The following SRPK2 variants were observed in gnomAD, a reference collection of about 807,000 sequenced individuals.
SRPK2 encodes the protein SFRS protein kinase 2.
A neutral mutation model predicts 90.8 loss-of-function variants in SRPK2; 21 were observed. The ratio of observed to expected loss-of-function variants is 0.23; its 90% CI spans 0.16 to 0.33. The LOEUF is 0.33. Ranked by LOEUF, SRPK2 falls within the 10% of genes least tolerant of loss-of-function variation. The pLI is 1.00. For synonymous variants in SRPK2, 288 were observed against 311.1 expected, an observed-to-expected ratio of 0.93 and a Z score of 0.78; for missense variants, 620 against 869.0, an observed-to-expected ratio of 0.71 and a Z score of 3.60.
At chr7:105,322,177 G>T (rs1454630966) in intron 2 of SRPK2, among the ~76,000 whole-genome samples, 1 of 152,216 alleles carries the variant, frequency 6.6e-6, no homozygotes, top group Non-Finnish European at 1.5e-5. Context: ...GACTCTGGGA[G>T]GCCGAGGCGG....
chr7:105,277,610 C>T (rs911951038), intron 2 of SRPK2, among the ~76,000 whole-genome samples: 2 of 152,198 alleles, frequency 1.3e-5, no homozygotes, highest in South Asian at 2.1e-4. Context: ...CCAGTCTAGC[C>T]TTAAAAGGGA....
At chr7:105,176,263 C>T (rs2129593685) in intron 3 of SRPK2, among the ~76,000 whole-genome samples, 1 of 152,092 alleles carries the variant, frequency 6.6e-6, no homozygotes, top group African/African-American at 2.4e-5. Flanking sequence ...AATCATCTGA[C>T]AATATGAAAC....
chr7:105,378,196 C>T (rs1036778413), intron 2 of SRPK2, among the ~76,000 whole-genome samples: 1 of 152,040 alleles, frequency 6.6e-6, no homozygotes, highest in African/African-American at 2.4e-5. Context: ...GCCCTGCCCC[C>T]TTATTTTACT....
In SRPK2 at chr7:105,221,514, A is replaced by T. The variant is rs186686267; in HGVS notation, c.72-17729T>A. On this transcript the variant is annotated intron_variant, in intron 2 of 15. Transcript: ENST00000393651. The stretch of plus-strand genomic sequence containing the variant: ...ACATTTTTTCTGGGATTTCAAACCA[A>T]TATCACACCAACGCCAAATGCTACT... 2.6e-5 allele frequency among the ~76,000 whole-genome samples: 4 copies of T among 152,286 alleles called. No individual in the cohort carries two copies. The East Asian group carries it at 5.8e-4, about 22-fold the overall frequency.
chr7:105,333,120 G>A (rs1001714526), intron 2 of SRPK2, among the ~76,000 whole-genome samples: 12 of 152,108 alleles, frequency 7.9e-5, no homozygotes, highest in African/African-American at 2.7e-4. Context: ...CTTGAACCCG[G>A]GTGGCGGAGG....
At chr7:105,137,928 C>A (rs1352475871) in intron 11 of SRPK2, among the ~76,000 whole-genome samples, 1 of 152,160 alleles carries the variant, frequency 6.6e-6, no homozygotes, top group East Asian at 1.9e-4. Flanking sequence ...AAACAAAACA[C>A]ACCTCCCATG....
chr7:105,212,268 A>C (rs1342641284), intron 2 of SRPK2, among the ~76,000 whole-genome samples: 1 of 152,254 alleles, frequency 6.6e-6, no homozygotes, highest in Non-Finnish European at 1.5e-5. Flanking sequence ...CACTGATTCT[A>C]CAACTACCCA....
At chr7:105,378,151 C>G (rs932578848) in intron 2 of SRPK2, among the ~76,000 whole-genome samples, 1 of 152,124 alleles carries the variant, frequency 6.6e-6, no homozygotes, top group Non-Finnish European at 1.5e-5. Flanking sequence ...CATGTTGACA[C>G]CAACTGCAGT....
intron 11 of SRPK2, 101 bp from the exon 12 acceptor site, chr7:105,133,205 T>A: frequency 9.5e-7 from 1 of 1,053,028 alleles, no homozygotes; most frequent in Non-Finnish European, 1.5e-6. Context: ...TCAAGAGTAG[T>A]GGAATGATCA....
At chr7:105,264,036 G>A (rs1360064346) in intron 2 of SRPK2, among the ~76,000 whole-genome samples, 2 of 152,108 alleles carry the variant, frequency 1.3e-5, no homozygotes, top group Admixed American at 6.5e-5. Context: ...GCATTGCAAC[G>A]GGGGGAGAAA....
At chr7:105,301,466 G>A in intron 2 of SRPK2, 1 of 961,188 alleles carries the variant, frequency 1.0e-6, no homozygotes, top group South Asian at 1.3e-5. Flanking sequence ...CCCTCGCTTT[G>A]TCTTCGTTGT....
chr7:105,346,230 G>A (rs10249170), intron 2 of SRPK2, among the ~76,000 whole-genome samples: 28,333 of 152,096 alleles, frequency 0.19, 3,430 homozygotes, highest in East Asian at 0.64. Flanking sequence ...TTCATCATCA[G>A]TAACTATTCC....
chr7:105,348,739 C>A (rs1816782613), intron 2 of SRPK2, among the ~76,000 whole-genome samples: 1 of 151,628 alleles, frequency 6.6e-6, no homozygotes, highest in Non-Finnish European at 1.5e-5. Flanking sequence ...GAACTATTTT[C>A]TAACCAAACT....
Position 105,203,647 on chromosome 7 carries a change from G to A in SRPK2, c.210C>T (p.Asp70=), listed in dbSNP as rs747554585. ...CATCACCTTTGCAGTAGTCCGCAGGGTCCTCTTGCTCCTCATCATCTGATC... is the reference window on the plus strand; with the variant it reads ...CATCACCTTTGCAGTAGTCCGCAGGATCCTCTTGCTCCTCATCATCTGATC... ...ILGSDDEEQE[D]PADYCKGGYH... is the part of the protein sequence containing the mutation. The change falls in exon 3 of 16, where the codon GAC becomes GAT. Residue 70 remains aspartate (D), a synonymous_variant. Transcript: ENST00000393651. 40 of 1,531,842 alleles carry A rather than the reference G, an allele frequency of 2.6e-5. No individual in the cohort carries two copies. The highest frequency in any genetic ancestry group is 3.5e-5 in the Non-Finnish European group (40 of 1,144,988). 94.9% of individuals were successfully genotyped at this position (1,531,842 alleles called of 1,614,324 possible).
intron 2 of SRPK2, among the ~76,000 whole-genome samples, chr7:105,376,882 TAC>T (rs34080086): frequency 0.01 from 1,257 of 120,960 alleles, 10 homozygotes; most frequent in South Asian, 0.023. Context: ...TTTTCTCCTT[TAC>T]ACACACACAC....
chr7:105,179,573 C>T (rs547244875), intron 3 of SRPK2, among the ~76,000 whole-genome samples: 3 of 152,104 alleles, frequency 2.0e-5, no homozygotes, highest in African/African-American at 7.2e-5. Context: ...GTCTGTAATC[C>T]GAGCACTTTG....
intron 2 of SRPK2, among the ~76,000 whole-genome samples, chr7:105,313,534 G>A (rs2131420898): frequency 1.3e-5 from 2 of 151,890 alleles, no homozygotes; most frequent in African/African-American, 4.8e-5. Context: ...TGGAATGCCT[G>A]AGCTCAGGAG....
At chr7:105,244,758 A>T in intron 2 of SRPK2, 6 of 1,017,600 alleles carry the variant, frequency 5.9e-6, no homozygotes, top group Non-Finnish European at 9.3e-6. Flanking sequence ...CTGACCAAAC[A>T]CACCAAGTTT....
intron 3 of SRPK2, among the ~76,000 whole-genome samples, chr7:105,170,902 A>AAAG (rs1790892642): frequency 3.8e-4 from 39 of 101,374 alleles, no homozygotes; most frequent in South Asian, 7.1e-4. Flanking sequence ...AAAGAAAGAA[A>AAAG]GAAAGAAAGA....
Sources: allele counts gnomAD v4.1 joint callset (sites outside exome capture counted in the v4.1 genomes callset), GRCh38; gene constraint gnomAD v4.1.1; transcripts MANE v1.5; gene names NCBI Gene and HGNC (gene_info 2026-07-23, HGNC 2026-07-21).